DISC1: variants seen among roughly 807,000 people sequenced by gnomAD.
The protein encoded by DISC1 is DISC1 scaffold protein, also known as disrupted in schizophrenia 1 protein.
In DISC1, 57 loss-of-function variants were observed where a neutral mutation model predicts 84.5. That is an observed-to-expected ratio of 0.67 (90% confidence interval 0.55 to 0.84). The LOEUF is 0.84. Ranked by LOEUF, DISC1 falls within the 40% of genes least tolerant of loss-of-function variation. The pLI is 0.00. For missense variants in DISC1, 1,000 were observed against 1,057.8 expected (o/e 0.95, Z 0.76); for synonymous variants, 411 against 415.2 (o/e 0.99, Z 0.12).
At chr1:231,934,277 G>C (rs149190568) in intron 9 of DISC1, among the ~76,000 whole-genome samples, 83 of 152,266 alleles carry the variant, frequency 5.5e-4, no homozygotes, top group Middle Eastern at 6.8e-3. Context: ...CTTCTACTTT[G>C]GTTAGTTAAA....
intron 3 of DISC1, among the ~76,000 whole-genome samples, chr1:231,736,099 C>T (rs2072456327): frequency 6.6e-6 from 1 of 152,164 alleles, no homozygotes; most frequent in African/African-American, 2.4e-5. Flanking sequence ...TAGACATGAG[C>T]CTCTGTGCCC....
chr1:231,827,237 C>T (rs143457469), intron 9 of DISC1, among the ~76,000 whole-genome samples: 121 of 152,114 alleles, frequency 8.0e-4, no homozygotes, highest in African/African-American at 2.8e-3. Flanking sequence ...CCACCTGCCT[C>T]GGCCCCCTAA....
At chr1:231,750,384 T>G in intron 4 of DISC1, 1 of 1,152,682 alleles carries the variant, frequency 8.7e-7, no homozygotes, top group Non-Finnish European at 1.1e-6. Flanking sequence ...GGTAATTTCC[T>G]CTTGTTGAGG....
chr1:231,959,002 A>G, intron 10 of DISC1, 114 bp downstream of exon 10: 16 of 1,463,626 alleles, frequency 1.1e-5, no homozygotes, highest in East Asian at 2.5e-5. Context: ...ATAAATTAAC[A>G]AAGAAAGACA....
At chr1:231,873,171 G>A (rs937362649) in intron 9 of DISC1, among the ~76,000 whole-genome samples, 1 of 152,190 alleles carries the variant, frequency 6.6e-6, no homozygotes, top group African/African-American at 2.4e-5. Context: ...GCTGTAAAGT[G>A]GCCATGTTAA....
At chr1:231,854,119 TCAA>T (rs1185234157) in intron 9 of DISC1, among the ~76,000 whole-genome samples, 2 of 152,070 alleles carry the variant, frequency 1.3e-5, no homozygotes, top group African/African-American at 4.8e-5. Flanking sequence ...AATACATAAA[TCAA>T]CAACATGAGG....
intron 9 of DISC1, among the ~76,000 whole-genome samples, chr1:231,891,089 C>A (rs575981752): frequency 2.6e-5 from 4 of 152,268 alleles, no homozygotes; most frequent in African/African-American, 9.6e-5. Flanking sequence ...AAGGCTAAAC[C>A]CTGCCTTCTA....
chr1:231,943,071 C>T (rs375387455), intron 9 of DISC1, among the ~76,000 whole-genome samples: 3 of 152,344 alleles, frequency 2.0e-5, no homozygotes, highest in African/African-American at 4.8e-5. Context: ...GGGCTGGGGC[C>T]GTGATACAGC....
At chr1:231,884,875 C>T (rs965897621) in intron 9 of DISC1, among the ~76,000 whole-genome samples, 1 of 151,924 alleles carries the variant, frequency 6.6e-6, no homozygotes, top group Non-Finnish European at 1.5e-5. Context: ...AGGAATTAAC[C>T]TGGGATGGGG....
intron 11 of DISC1, among the ~76,000 whole-genome samples, chr1:232,024,687 G>C (rs1432248607): frequency 1.3e-5 from 2 of 152,064 alleles, no homozygotes; most frequent in East Asian, 3.9e-4. Context: ...CCGCCTCCCG[G>C]GTTCAAGCGA....
intron 9 of DISC1, among the ~76,000 whole-genome samples, chr1:231,927,751 A>G (rs200239324): frequency 6.2e-4 from 94 of 152,172 alleles, no homozygotes; most frequent in Non-Finnish European, 1.1e-3. Flanking sequence ...ATTTTTATGC[A>G]ACAAAGGAGA....
chr1:231,856,747 G>T (rs7544628), intron 9 of DISC1, among the ~76,000 whole-genome samples: 6,747 of 152,260 alleles, frequency 0.044, 493 homozygotes, highest in African/African-American at 0.15. Flanking sequence ...TTGTGACCTT[G>T]TTTCATCCTG....
At chr1:231,743,085 G>A (rs983221396) in intron 3 of DISC1, among the ~76,000 whole-genome samples, 2 of 152,190 alleles carry the variant, frequency 1.3e-5, no homozygotes. Flanking sequence ...ATCAGCCTGC[G>A]CTCTCTGAGA....
intron 3 of DISC1, chr1:231,723,439 C>T (rs1479107348): frequency 8.1e-5 from 80 of 985,472 alleles, no homozygotes; most frequent in Non-Finnish European, 8.9e-5. Context: ...GCACTGGCTA[C>T]GACCTTACTC....
chr1:231,900,874 T>C (rs1042764416), intron 9 of DISC1, among the ~76,000 whole-genome samples: 2 of 152,170 alleles, frequency 1.3e-5, no homozygotes, highest in African/African-American at 4.8e-5. Context: ...GTTTGAAAAA[T>C]AGGCGTATTT....
In DISC1 at chr1:231,954,384, A is replaced by G. The variant is rs1659030122; in HGVS notation, c.1982-4444A>G. 6.6e-6 allele frequency among the ~76,000 whole-genome samples: 1 copy of G among 152,188 alleles called. No individual in the cohort carries two copies. Among genetic ancestry groups the G allele is most frequent in the African/African-American group, 2.4e-5 (1 of 41,446 alleles). On this transcript the variant is annotated intron_variant, in intron 9 of 12. Transcript: ENST00000439617. This position sits in a 1 kb window ranked among gnomAD's most constrained non-coding sequence, Gnocchi z 4.8. Reference sequence around the variant, plus strand: ...TGTTTTCACTGATTTATGGCATTTAATTATCAATCTGTTAATCCAAGTTTT... The same window carrying G: ...TGTTTTCACTGATTTATGGCATTTAGTTATCAATCTGTTAATCCAAGTTTT...
intron 4 of DISC1, among the ~76,000 whole-genome samples, chr1:231,763,693 G>A (rs78385338): frequency 0.04 from 6,164 of 152,266 alleles, 270 homozygotes; most frequent in East Asian, 0.12. Context: ...CAGCAAGGGG[G>A]AAGAGTCTCC....
Position 231,925,695 on chromosome 1 carries a change from C to T in DISC1, c.1982-33133C>T, listed in dbSNP as rs185293700. ...GATCATCCTTGATTTAGGATGGGCC[C>T]TGAAATCCAATGATTAGTATTTTTT... On this transcript the variant is annotated intron_variant, in intron 9 of 12. Coordinates refer to ENST00000439617, the MANE Select transcript of DISC1 (RefSeq NM_018662.3). 2.0e-5 allele frequency: 3 copies of T among 152,218 alleles called. No homozygotes were observed. The East Asian group carries it at 5.8e-4, about 29-fold the overall frequency. 9.4% of individuals were successfully genotyped at this position (152,218 alleles called of 1,614,324 possible).
At chr1:231,916,898 C>T (rs2089676962) in intron 9 of DISC1, among the ~76,000 whole-genome samples, 1 of 152,140 alleles carries the variant, frequency 6.6e-6, no homozygotes, top group East Asian at 1.9e-4. Flanking sequence ...TAGAAACCTT[C>T]CCTGCTGGGA....
Sources: allele counts gnomAD v4.1 joint callset (sites outside exome capture counted in the v4.1 genomes callset), GRCh38; gene constraint gnomAD v4.1.1; non-coding constraint Gnocchi (gnomAD v3.1); transcripts MANE v1.5; gene names NCBI Gene and HGNC (gene_info 2026-07-23, HGNC 2026-07-21).